Variants in SIRPB1 observed in about 807,000 individuals in gnomAD.
SIRPB1 encodes signal regulatory protein beta 1.
In SIRPB1, 28 loss-of-function variants were observed where a neutral mutation model predicts 34.1. The ratio of observed to expected loss-of-function variants is 0.82; its 90% CI spans 0.61 to 1.12. SIRPB1 has a LOEUF of 1.12. Ranked by LOEUF, SIRPB1 falls within the 50% of genes most tolerant of loss-of-function variation. The probability of loss-of-function intolerance (pLI) is 0.00; values close to 1 mark genes in which losing one functional copy is unlikely to be tolerated. For synonymous variants in SIRPB1, 211 were observed against 203.8 expected (o/e 1.04, Z -0.30); for missense variants, 499 against 507.0 (o/e 0.98, Z 0.15).
At chr20:1,568,645 C>T (rs905817992) in intron 4 of SIRPB1, among the ~76,000 whole-genome samples, 1 of 152,054 alleles carries the variant, frequency 6.6e-6, no homozygotes, top group East Asian at 1.9e-4. Flanking sequence ...AGCCCAGCAG[C>T]CAAACAGCAG....
rs896762903 is a variant in SIRPB1, at chr20:1,562,415, C to T, written c.*3085G>A. Among the ~76,000 whole-genome samples, 1 of 152,122 alleles carries T rather than the reference C, an allele frequency of 6.6e-6. No individual in the cohort carries two copies. Among genetic ancestry groups the T allele is most frequent in the Non-Finnish European group, 1.5e-5 (1 of 68,028 alleles). ...TATATGGCAGACACAGTTCTGGCAA[C>T]TGAGGATACAGATAATCCTCCCCCA... On this transcript the variant is annotated 3_prime_UTR_variant, in exon 6 of 6. Transcript: ENST00000381605.
At position 1,564,823 on chromosome 20, in the gene SIRPB1, G is replaced by A; in HGVS notation, c.*677C>T. 7.5e-6 allele frequency: 3 copies of A among 398,286 alleles called. No individual in the cohort carries two copies. Among genetic ancestry groups the A allele is most frequent in the Non-Finnish European group, 1.3e-5 (3 of 225,966 alleles). The allele number at this position is 398,286 out of a possible 1,614,324, so 24.7% of individuals were successfully genotyped here. A position where few individuals can be genotyped will look rare whatever the true frequency, so the allele number is the denominator to read the frequency against. On this transcript the variant is annotated 3_prime_UTR_variant, in exon 6 of 6. Coordinates refer to ENST00000381605, the MANE Select transcript of SIRPB1 (RefSeq NM_006065.5). ...CATTGTTAAACATTTACCATCTCAT[G>A]TAAGTGGACACATGCATTTTGGAGG...
rs1485684989 is a variant in SIRPB1 at position 1,562,631 on chromosome 20, C to T, written c.*2869G>A. Among the ~76,000 whole-genome samples, 1 of 152,132 alleles carries T rather than the reference C, an allele frequency of 6.6e-6. No homozygotes were observed. Among genetic ancestry groups the T allele is most frequent in the African/African-American group, 2.4e-5 (1 of 41,408 alleles). ...TAATGTAATTTGCATAGAGTACAAACTTCTGGGCTAGCTCTTCAGTCCACA... is the reference window on the plus strand; with the variant it reads ...TAATGTAATTTGCATAGAGTACAAATTTCTGGGCTAGCTCTTCAGTCCACA... On this transcript the variant is annotated 3_prime_UTR_variant, in exon 6 of 6. Coordinates refer to ENST00000381605, the MANE Select transcript of SIRPB1 (RefSeq NM_006065.5).
intron 4 of SIRPB1, among the ~76,000 whole-genome samples, chr20:1,569,015 C>A (rs1412834546): frequency 6.6e-6 from 1 of 152,162 alleles, no homozygotes; most frequent in Admixed American, 6.5e-5. Flanking sequence ...CCATTGCAGA[C>A]CCTGCAGACA....
In SIRPB1 at chr20:1,572,984, C is replaced by G. The variant is rs548440301; in HGVS notation, c.434-947G>C. Among the ~76,000 whole-genome samples the G allele has an allele frequency of 4.0e-4, 59 of 147,938 alleles. 1 individual carries two copies. The highest frequency in any genetic ancestry group is 7.0e-3 in the Middle Eastern group (2 of 284). On this transcript the variant is annotated intron_variant, in intron 2 of 5. Coordinates refer to ENST00000381605, the MANE Select transcript of SIRPB1 (RefSeq NM_006065.5). ...TTTTCAACCAGCTAATGAACTGTTT[C>G]CAAAAACAACCTTTTGTGAAAATCC... is the stretch of plus-strand genomic sequence containing the variant.
intron 1 of SIRPB1, 32 bp from the exon 2 acceptor site, chr20:1,578,726 A>C: frequency 2.0e-6 from 3 of 1,476,828 alleles, no homozygotes; most frequent in African/African-American, 2.8e-5. Context: ...TCATTTCTTC[A>C]TCCTTACCTG....
At chr20:1,619,707 C>T (rs1462007750) in intron 1 of SIRPB1, among the ~76,000 whole-genome samples, 162 bp downstream of exon 1, 1 of 152,190 alleles carries the variant, frequency 6.6e-6, no homozygotes, top group Non-Finnish European at 1.5e-5. Flanking sequence ...GCTGCAGATC[C>T]ACAGAGAAAG....
chr20:1,579,672 T>C (rs766913715), intron 1 of SIRPB1, among the ~76,000 whole-genome samples: 1 of 148,678 alleles, frequency 6.7e-6, no homozygotes, highest in Non-Finnish European at 1.5e-5. Context: ...ATTACCTAAG[T>C]TTCCTAATGC....
Position 1,565,704 on chromosome 20 carries a change from C to G in SIRPB1, c.*3-207G>C, listed in dbSNP as rs11907473. The stretch of plus-strand genomic sequence containing the variant: ...TTCCAAGTCCTGATGCTCCCTCTTC[C>G]CCGCTTTCCACTCAAGCACACAGAA... On this transcript the variant is annotated intron_variant, in intron 5 of 5. Coordinates refer to ENST00000381605, the MANE Select transcript of SIRPB1 (RefSeq NM_006065.5). 7.9e-3 allele frequency among the ~76,000 whole-genome samples: 1,189 copies of G among 150,834 alleles called. 19 individuals carry two copies. Among genetic ancestry groups the G allele is most frequent in the African/African-American group, 0.028 (1,158 of 40,692 alleles).
rs191608203 is a variant in SIRPB1 at position 1,577,402 on chromosome 20, G to C, written c.433+936C>G. 2.1e-3 allele frequency among the ~76,000 whole-genome samples: 311 copies of C among 147,966 alleles called. 19 individuals carry two copies. Among genetic ancestry groups the C allele is most frequent in the African/African-American group, 7.4e-3 (304 of 40,860 alleles). On this transcript the variant is annotated intron_variant, in intron 2 of 5. Coordinates refer to ENST00000381605, the MANE Select transcript of SIRPB1 (RefSeq NM_006065.5). Reference sequence around the variant, plus strand: ...TTGGCTTCAGTCTCCCATCTGTAAAGGGGGTTGGGCTGGATGGTCTGAAGG... The same window carrying C: ...TTGGCTTCAGTCTCCCATCTGTAAACGGGGTTGGGCTGGATGGTCTGAAGG...
At chr20:1,572,536 G>A (rs1190335760) in intron 2 of SIRPB1, among the ~76,000 whole-genome samples, 3 of 151,132 alleles carry the variant, frequency 2.0e-5, no homozygotes, top group East Asian at 1.9e-4. Flanking sequence ...ACAGGAGGAC[G>A]GAGGACGGCG....
At position 1,562,734 on chromosome 20, in the gene SIRPB1, C is replaced by T. The variant is rs1415425327; in HGVS notation, c.*2766G>A. Among the ~76,000 whole-genome samples the T allele has an allele frequency of 6.6e-6, 1 of 152,174 alleles. No individual in the cohort carries two copies. Among genetic ancestry groups the T allele is most frequent in the Admixed American group, 6.5e-5 (1 of 15,272 alleles). ...CTTTCAAAGTCTGTTGGTGATTGGT[C>T]CCTATGGCTCTCCTACTCAAACAGC... On this transcript the variant is annotated 3_prime_UTR_variant, in exon 6 of 6. Transcript: ENST00000381605.
At chr20:1,568,022 C>T (rs980616758) in intron 4 of SIRPB1, among the ~76,000 whole-genome samples, 2 of 152,162 alleles carry the variant, frequency 1.3e-5, no homozygotes, top group South Asian at 2.1e-4. Flanking sequence ...GGATAGGGCC[C>T]TGATGGGGAA....
chr20:1,609,079 A>G (rs1600153595), intron 1 of SIRPB1, among the ~76,000 whole-genome samples: 2 of 61,458 alleles, frequency 3.3e-5, no homozygotes, highest in Admixed American at 1.4e-4. Flanking sequence ...CCCCTTCCCC[A>G]CCTCCCTCCT....
In SIRPB1 at chr20:1,582,949, G is replaced by A. The variant is rs1425461124; in HGVS notation, c.77-4255C>T. On this transcript the variant is annotated intron_variant, in intron 1 of 5. Transcript: ENST00000381605. Reference sequence around the variant, plus strand: ...GTTCTTTGTTAGGTCCTGGCACATAGCAGGTATTCATCAAATATGTGTATA... The same window carrying A: ...GTTCTTTGTTAGGTCCTGGCACATAACAGGTATTCATCAAATATGTGTATA... Among the ~76,000 whole-genome samples the A allele has an allele frequency of 4.1e-5, 2 of 49,378 alleles. 1 individual carries two copies. The highest frequency in any genetic ancestry group is 7.8e-5 in the Non-Finnish European group (2 of 25,546). 32.4% of individuals were successfully genotyped at this position (49,378 alleles called of 152,430 possible). A position where few individuals can be genotyped will look rare whatever the true frequency, so the allele number is the denominator to read the frequency against.
intron 2 of SIRPB1, among the ~76,000 whole-genome samples, chr20:1,576,324 G>GTACA (rs2091309373): frequency 6.8e-6 from 1 of 147,882 alleles, no homozygotes; most frequent in African/African-American, 2.5e-5. Flanking sequence ...GTACATACAT[G>GTACA]TACATGAAAG....
In SIRPB1 at chr20:1,566,211, G is replaced by C; in HGVS notation, c.1141C>G (p.Leu381Val). 6.2e-7 allele frequency: 1 copy of C among 1,612,556 alleles called. No individual in the cohort carries two copies. Among genetic ancestry groups the C allele is most frequent in the Non-Finnish European group, 8.5e-7 (1 of 1,179,386 alleles). The stretch of plus-strand genomic sequence containing the variant: ...GCAGAGACACCAACCACCAGTAGCA[G>C]CTTGGGGCCCAGGAGGAGAGCTACG... The part of the protein sequence containing the change: ...LLVALLLGPK[L>V]LLVVGVSAIY... The change falls in exon 5 of 6, where the codon CTG becomes GTG. Residue 381 changes from leucine to valine, a missense_variant. By Grantham distance (32) the Leu-to-Val change is conservative (BLOSUM62 1). Transcript: ENST00000381605.
In SIRPB1 at chr20:1,564,133, G is replaced by C. The variant is rs1600084582; in HGVS notation, c.*1367C>G. 1 of 152,238 alleles carries C rather than the reference G, an allele frequency of 6.6e-6. No individual in the cohort carries two copies. Among genetic ancestry groups the C allele is most frequent in the Admixed American group, 6.5e-5 (1 of 15,288 alleles). The allele number at this position is 152,238 out of a possible 1,614,324, so 9.4% of individuals were successfully genotyped here. Reference sequence around the variant, plus strand: ...TCTACATTTGTAACTGAGAGTGTGAGAGTTTCTAATATTTTGACAAAAAAT... The same window carrying C: ...TCTACATTTGTAACTGAGAGTGTGACAGTTTCTAATATTTTGACAAAAAAT... On this transcript the variant is annotated 3_prime_UTR_variant, in exon 6 of 6. Coordinates refer to ENST00000381605, the MANE Select transcript of SIRPB1 (RefSeq NM_006065.5).
At chr20:1,580,443 A>G (rs374198835) in intron 1 of SIRPB1, among the ~76,000 whole-genome samples, 24 of 131,580 alleles carry the variant, frequency 1.8e-4, no homozygotes, top group East Asian at 1.6e-3. Context: ...ACCAAGAACT[A>G]AAGGAATATA....
Sources: allele counts gnomAD v4.1 joint callset (sites outside exome capture counted in the v4.1 genomes callset), GRCh38; gene constraint gnomAD v4.1.1; transcripts MANE v1.5; gene names NCBI Gene and HGNC (gene_info 2026-07-23, HGNC 2026-07-21).